Variants in RALGPS1 observed in about 807,000 individuals in gnomAD.
The protein encoded by RALGPS1 is Ral GEF with PH domain and SH3 binding motif 1, also known as ras-specific guanine nucleotide-releasing factor RalGPS1.
In RALGPS1, 19 loss-of-function variants were observed where a neutral mutation model predicts 78.8. That is an observed-to-expected ratio of 0.24 (90% CI 0.17 to 0.35). The LOEUF is 0.35. Ranked by LOEUF, RALGPS1 falls within the 10% of genes least tolerant of loss-of-function variation. RALGPS1 has a pLI of 1.00. For missense variants in RALGPS1, 454 were observed against 688.3 expected (o/e 0.66, Z 3.81); for synonymous variants, 228 against 256.3 (o/e 0.89, Z 1.06).
At chr9:127,039,879 T>A (rs2047144282) in intron 5 of RALGPS1, among the ~76,000 whole-genome samples, 1 of 152,096 alleles carries the variant, frequency 6.6e-6, no homozygotes, top group Non-Finnish European at 1.5e-5. Flanking sequence ...ACTCTGGAAA[T>A]ACAGCAAGAC....
At chr9:127,179,744 G>A (rs2060100015) in intron 11 of RALGPS1, among the ~76,000 whole-genome samples, 1 of 152,216 alleles carries the variant, frequency 6.6e-6, no homozygotes, top group Non-Finnish European at 1.5e-5. Context: ...GAGCTGAAAG[G>A]AGGCAGTGGG....
At chr9:126,916,570 C>T (rs1157953671) in intron 1 of RALGPS1, among the ~76,000 whole-genome samples, 1 of 152,180 alleles carries the variant, frequency 6.6e-6, no homozygotes, top group Admixed American at 6.5e-5. Context: ...CATTTGAGGT[C>T]AGGAGTCCGA....
At position 127,079,819 on chromosome 9, in the gene RALGPS1, C is replaced by A. The variant is rs2051009391; in HGVS notation, c.610+10463C>A. On this transcript the variant is annotated intron_variant, in intron 8 of 18. Transcript: ENST00000259351. ...AAGACATGCCCAAATTCCCAATCCA[C>A]AGAAACTGCAAGACAATAAATGTTT... 3 of 152,204 alleles carry A rather than the reference C, an allele frequency of 2.0e-5. No individual in the cohort carries two copies. The South Asian group carries it at 6.2e-4, about 31-fold the overall frequency. 9.4% of individuals were successfully genotyped at this position (152,204 alleles called of 1,614,324 possible). A position where few individuals can be genotyped will look rare whatever the true frequency, so the allele number is the denominator to read the frequency against.
intron 11 of RALGPS1, among the ~76,000 whole-genome samples, chr9:127,182,152 A>G (rs866454481): frequency 3.6e-4 from 54 of 148,470 alleles, no homozygotes; most frequent in Middle Eastern, 3.4e-3. Flanking sequence ...GACCGGCCTG[A>G]GCAATATGGC....
intron 5 of RALGPS1, among the ~76,000 whole-genome samples, chr9:127,046,598 G>A (rs1252467160): frequency 7.0e-6 from 1 of 143,310 alleles, no homozygotes; most frequent in African/African-American, 2.6e-5. Flanking sequence ...ATTTTTATTT[G>A]ATATACAAAG....
At chr9:127,201,393 T>A (rs1487494234) in intron 14 of RALGPS1, among the ~76,000 whole-genome samples, 1 of 152,220 alleles carries the variant, frequency 6.6e-6, no homozygotes, top group Admixed American at 6.5e-5. Context: ...GGGCCTGCGA[T>A]GTCTCCCCCA....
At chr9:127,180,653 CCAGA>C (rs1474249152) in intron 11 of RALGPS1, among the ~76,000 whole-genome samples, 1 of 152,242 alleles carries the variant, frequency 6.6e-6, no homozygotes, top group Non-Finnish European at 1.5e-5. Flanking sequence ...CTGGTGCCGT[CCAGA>C]CATCGGGGAG....
chr9:127,199,089 C>T (rs182588322), intron 14 of RALGPS1, 23 bp downstream of exon 14: 5 of 1,610,798 alleles, frequency 3.1e-6, no homozygotes, highest in African/African-American at 2.7e-5. Flanking sequence ...TCAGCATGGC[C>T]TCCCTCCCAG....
chr9:127,112,228 A>AAAAC (rs1300961158), intron 8 of RALGPS1, among the ~76,000 whole-genome samples: 1 of 152,216 alleles, frequency 6.6e-6, no homozygotes, highest in Non-Finnish European at 1.5e-5. Context: ...GGCTGCAGTG[A>AAAAC]CGTCAGTGGA....
chr9:127,092,313 C>T (rs1189072464), intron 8 of RALGPS1, among the ~76,000 whole-genome samples: 7 of 152,332 alleles, frequency 4.6e-5, no homozygotes, highest in Middle Eastern at 3.4e-3. Flanking sequence ...CACTGAGCTT[C>T]ACCTCCTTCT....
intron 11 of RALGPS1, among the ~76,000 whole-genome samples, chr9:127,193,287 T>G (rs2061175213): frequency 6.6e-6 from 1 of 152,156 alleles, no homozygotes; most frequent in East Asian, 1.9e-4. Context: ...GTCACTGAAG[T>G]AAAGAGTGGC....
At chr9:127,032,902 G>A (rs1033717903) in intron 4 of RALGPS1, among the ~76,000 whole-genome samples, 1 of 152,180 alleles carries the variant, frequency 6.6e-6, no homozygotes, top group African/African-American at 2.4e-5. Context: ...GTAAACAGCT[G>A]TAACTTCTAC....
At chr9:127,084,340 T>C (rs2051474729) in intron 8 of RALGPS1, among the ~76,000 whole-genome samples, 1 of 152,192 alleles carries the variant, frequency 6.6e-6, no homozygotes. Flanking sequence ...ACGGCCCATC[T>C]TTCATAGCTG....
intron 10 of RALGPS1, among the ~76,000 whole-genome samples, chr9:127,173,709 T>G (rs2059683168): frequency 1.3e-5 from 2 of 152,152 alleles, no homozygotes; most frequent in Non-Finnish European, 2.9e-5. Context: ...TGCAGTGTAA[T>G]CATTAAACAC....
chr9:126,938,946 G>T (rs987741428), intron 1 of RALGPS1, among the ~76,000 whole-genome samples: 1 of 152,218 alleles, frequency 6.6e-6, no homozygotes, highest in African/African-American at 2.4e-5. Flanking sequence ...TTTGCTGGTG[G>T]TGAAAGAAGC....
intron 1 of RALGPS1, among the ~76,000 whole-genome samples, chr9:126,956,244 CA>C (rs142465828): frequency 0.18 from 26,774 of 151,776 alleles, 3,249 homozygotes; most frequent in East Asian, 0.52. Context: ...AAGCTGTTCT[CA>C]GGGCGGGGCT....
intron 8 of RALGPS1, among the ~76,000 whole-genome samples, chr9:127,158,039 T>A (rs1436198763): frequency 6.6e-6 from 1 of 152,166 alleles, no homozygotes; most frequent in Non-Finnish European, 1.5e-5. Flanking sequence ...TGCATCTTGA[T>A]TTATTAATGT....
intron 8 of RALGPS1, among the ~76,000 whole-genome samples, chr9:127,127,997 G>A (rs2056745974): frequency 6.6e-6 from 1 of 151,962 alleles, no homozygotes; most frequent in Non-Finnish European, 1.5e-5. Context: ...TTTACATTAG[G>A]TATTTCTCCT....
At chr9:127,194,807 C>T (rs1328776607) in intron 11 of RALGPS1, among the ~76,000 whole-genome samples, 1 of 152,236 alleles carries the variant, frequency 6.6e-6, no homozygotes, top group African/African-American at 2.4e-5. Context: ...AGACTATCCC[C>T]ATGTCCATCC....
Sources: gnomAD v4.1 joint callset for allele counts (sites outside exome capture counted in the v4.1 genomes callset) on GRCh38, gnomAD v4.1.1 for gene constraint, MANE v1.5 for transcripts, NCBI Gene and HGNC (gene_info 2026-07-23, HGNC 2026-07-21) for gene names.